Variants in ZC3H12B observed in about 807,000 individuals in gnomAD.
ZC3H12B encodes zinc finger CCCH-type containing 12B.
In ZC3H12B, 7 loss-of-function variants were observed where a neutral mutation model predicts 43.9. The observed-to-expected ratio is 0.16, with a 90% CI of 0.09 to 0.30. ZC3H12B has a LOEUF of 0.30. Ranked by LOEUF, ZC3H12B falls within the 10% of genes least tolerant of loss-of-function variation. The pLI is 1.00. For synonymous variants in ZC3H12B, 222 were observed against 241.7 expected (o/e 0.92, Z 0.76); for missense variants, 475 against 670.2 (o/e 0.71, Z 3.22).
At chrX:65,365,031 G>A (rs2066155189), upstream of ZC3H12B, among the ~76,000 whole-genome samples, 1 of 111,379 alleles carries the variant, frequency 9.0e-6, no homozygotes, top group South Asian at 3.8e-4. Context: ...CCTGGGTTTG[G>A]CCTTCCTACC....
At chrX:65,258,773 A>G in the ZC3H12B span, among the ~76,000 whole-genome samples, 1 of 111,740 alleles carries the variant, frequency 8.9e-6, no homozygotes, top group African/African-American at 3.2e-5. Context: ...TACACCAACA[A>G]TATGCAAGAT....
At chrX:65,038,404 A>G in the ZC3H12B span, among the ~76,000 whole-genome samples, 1 of 111,892 alleles carries the variant, frequency 8.9e-6, no homozygotes, top group African/African-American at 3.2e-5. Flanking sequence ...ACAAGTTATT[A>G]GAGAACAGAA....
the ZC3H12B span, among the ~76,000 whole-genome samples, chrX:65,183,230 G>T: frequency 9.0e-5 from 10 of 111,664 alleles, no homozygotes; most frequent in Admixed American, 7.7e-4. Flanking sequence ...ATTTTATGCG[G>T]CCATAAAAAA....
the ZC3H12B span, among the ~76,000 whole-genome samples, chrX:65,227,513 G>T: frequency 9.1e-6 from 1 of 110,095 alleles, no homozygotes; most frequent in Non-Finnish European, 1.9e-5. Flanking sequence ...GCTAGCAGAA[G>T]GCAAGAAATA....
At chrX:65,140,128 T>C in the ZC3H12B span, among the ~76,000 whole-genome samples, 3 of 111,501 alleles carry the variant, frequency 2.7e-5, no homozygotes, top group African/African-American at 6.5e-5. Flanking sequence ...CAGTACTATG[T>C]TGAATAAAAG....
the ZC3H12B span, among the ~76,000 whole-genome samples, chrX:65,230,521 A>C: frequency 9.2e-6 from 1 of 108,166 alleles, no homozygotes; most frequent in African/African-American, 3.4e-5. Context: ...GTACCCTAAA[A>C]CTTAAAGTAT....
At chrX:65,162,640 G>A in the ZC3H12B span, among the ~76,000 whole-genome samples, 1 of 111,626 alleles carries the variant, frequency 9.0e-6, no homozygotes, top group Non-Finnish European at 1.9e-5. Flanking sequence ...GCACTTCTCT[G>A]TATTGGTTAT....
At chrX:65,428,084 T>C (rs2067106335) in intron 3 of ZC3H12B, among the ~76,000 whole-genome samples, 1 of 112,257 alleles carries the variant, frequency 8.9e-6, no homozygotes, top group African/African-American at 3.2e-5. Flanking sequence ...TGTTGAATAC[T>C]GGCCTACAAT....
chrX:65,373,917 ATAT>A (rs2066288562), intron 2 of ZC3H12B, among the ~76,000 whole-genome samples: 1 of 61,265 alleles, frequency 1.6e-5, no homozygotes, highest in African/African-American at 9.6e-5. Context: ...AGTTATATAT[ATAT>A]ACTATATATA....
At chrX:65,365,449 T>C (rs1270803262), upstream of ZC3H12B, among the ~76,000 whole-genome samples, 2 of 110,980 alleles carry the variant, frequency 1.8e-5, no homozygotes, top group African/African-American at 6.6e-5. Context: ...CAAATGCTAC[T>C]TCTAACAACC....
At chrX:65,171,053 AT>A in the ZC3H12B span, among the ~76,000 whole-genome samples, 6 of 112,090 alleles carry the variant, frequency 5.4e-5, no homozygotes, top group South Asian at 2.2e-3. Context: ...TGTCAGAGTC[AT>A]TCTCCATCCA....
chrX:65,487,285 A>T (rs1366490029), upstream of ZC3H12B, among the ~76,000 whole-genome samples: 1 of 112,862 alleles, frequency 8.9e-6, no homozygotes, highest in Non-Finnish European at 1.9e-5. Context: ...TCACGCCTGT[A>T]ATCCCAGCAC....
At chrX:65,176,933 G>A in the ZC3H12B span, among the ~76,000 whole-genome samples, 1 of 111,865 alleles carries the variant, frequency 8.9e-6, no homozygotes, top group Non-Finnish European at 1.9e-5. Flanking sequence ...ATTGTATGAG[G>A]CCAGTGTCAT....
intron 3 of ZC3H12B, among the ~76,000 whole-genome samples, chrX:65,481,062 G>C (rs2068057857): frequency 9.0e-6 from 1 of 110,517 alleles, no homozygotes; most frequent in Non-Finnish European, 1.9e-5. Flanking sequence ...GTGAACTAGA[G>C]GGGAGAGAAC....
At chrX:65,281,440 G>T in the ZC3H12B span, among the ~76,000 whole-genome samples, 15 of 110,666 alleles carry the variant, frequency 1.4e-4, no homozygotes, top group Non-Finnish European at 2.5e-4. Context: ...AGGCTGGATT[G>T]GTTTTGAACT....
chrX:65,152,303 C>T, the ZC3H12B span, among the ~76,000 whole-genome samples: 362 of 111,529 alleles, frequency 3.2e-3, 3 homozygotes, highest in African/African-American at 0.011. Flanking sequence ...TCCCTTTTTG[C>T]AGATGACATG....
At chrX:65,348,459 G>A in the ZC3H12B span, among the ~76,000 whole-genome samples, 1 of 101,685 alleles carries the variant, frequency 9.8e-6, no homozygotes, top group Admixed American at 1.1e-4. Context: ...ATCAACTAAT[G>A]GGCAAAATAA....
At chrX:65,263,515 C>T in the ZC3H12B span, among the ~76,000 whole-genome samples, 1 of 110,508 alleles carries the variant, frequency 9.0e-6, no homozygotes, top group Non-Finnish European at 1.9e-5. Context: ...GAGAAATAGT[C>T]CAGGAAACTG....
the ZC3H12B span, among the ~76,000 whole-genome samples, chrX:65,306,095 T>C: frequency 8.9e-6 from 1 of 112,531 alleles, no homozygotes; most frequent in Admixed American, 9.4e-5. Context: ...TGTCTACAGA[T>C]GTAGCATAAG....
Sources: gnomAD v4.1 joint callset for allele counts (sites outside exome capture counted in the v4.1 genomes callset) on GRCh38, gnomAD v4.1.1 for gene constraint, MANE v1.5 for transcripts, NCBI Gene and HGNC (gene_info 2026-07-23, HGNC 2026-07-21) for gene names.